POLR3F: variants seen among roughly 807,000 people sequenced by gnomAD.
The protein encoded by POLR3F is RNA polymerase III subunit F.
In POLR3F, 31 loss-of-function variants were observed where a neutral mutation model predicts 43.6. The ratio of observed to expected loss-of-function variants is 0.71; its 90% CI spans 0.53 to 0.96. POLR3F has a LOEUF of 0.96. Among genes scored for constraint, POLR3F ranks in the 40% least tolerant of loss-of-function variants. The pLI, the probability that POLR3F is intolerant of heterozygous loss-of-function variation, is 0.00. For synonymous variants in POLR3F, 114 were observed against 132.5 expected, an observed-to-expected ratio of 0.86 and a Z score of 0.96; for missense variants, 316 against 391.7, an observed-to-expected ratio of 0.81 and a Z score of 1.63.
intron 1 of POLR3F, 69 bp downstream of exon 1, chr20:18,467,637 T>A: frequency 1.9e-6 from 3 of 1,609,764 alleles, no homozygotes; most frequent in Non-Finnish European, 2.5e-6. Flanking sequence ...GGACCCCTTC[T>A]CCGGGATCCC....
At chr20:18,468,630 T>C (rs2059723270) in intron 1 of POLR3F, among the ~76,000 whole-genome samples, 1 of 152,220 alleles carries the variant, frequency 6.6e-6, no homozygotes. Context: ...TTTGTCATGC[T>C]TATTACACCC....
At chr20:18,468,614 C>G (rs2059722634) in intron 1 of POLR3F, among the ~76,000 whole-genome samples, 1 of 151,958 alleles carries the variant, frequency 6.6e-6, no homozygotes, top group Non-Finnish European at 1.5e-5. Flanking sequence ...AGATTTATGG[C>G]TTAACTTTGT....
In POLR3F at chr20:18,481,720, C is replaced by A. The variant is rs372990563; in HGVS notation, c.783C>A (p.Gly261=). 5.8e-5 allele frequency: 93 copies of A among 1,611,722 alleles called. No homozygotes were observed. The highest frequency in any genetic ancestry group is 7.6e-5 in the Non-Finnish European group (90 of 1,177,894). The change falls in exon 8 of 9, where the codon GGC becomes GGA. Residue 261 remains glycine, a synonymous_variant. Transcript: ENST00000377603. ...TTGCTGCAAAAGAAGGCACAGTTGG[C>A]AGTGTAGATGGACACATGAAACTGT... ...TIIAAKEGTV[G]SVDGHMKLYR... is the part of the protein sequence containing the mutation.
Position 18,476,548 on chromosome 20 carries a change from G to A in POLR3F, c.429+1361G>A, listed in dbSNP as rs149909500. 5.0e-3 allele frequency among the ~76,000 whole-genome samples: 759 copies of A among 152,214 alleles called. 15 individuals are homozygous for A. Among genetic ancestry groups the A allele is most frequent in the African/African-American group, 0.017 (710 of 41,534 alleles). On this transcript the variant is annotated intron_variant, in intron 5 of 8. Transcript: ENST00000377603. ...ATAATCTTAGATCTCAGTGTAAAGT[G>A]CAAAACTATAAAACTTTTTGAAGAA...
intron 7 of POLR3F, among the ~76,000 whole-genome samples, chr20:18,480,837 C>T (rs2059806134): frequency 1.3e-5 from 2 of 151,954 alleles, no homozygotes; most frequent in Admixed American, 6.6e-5. Flanking sequence ...GCCACTGTAC[C>T]CTAGCCTTTT....
chr20:18,480,237 A>G, intron 6 of POLR3F, 56 bp downstream of exon 6: 1 of 1,474,986 alleles, frequency 6.8e-7, no homozygotes, highest in South Asian at 1.2e-5. Context: ...AGTTTTTCAC[A>G]AAGGATTTTA....
chr20:18,473,466 T>C lies in POLR3F; in HGVS notation c.316+8T>C, dbSNP rs372687627. Reference sequence around the variant, plus strand: ...AGGATGCAGGAAATAAAGGTAAGCATGTGAAAGATGAAGCAGAAAAAAACA... The same window carrying C: ...AGGATGCAGGAAATAAAGGTAAGCACGTGAAAGATGAAGCAGAAAAAAACA... On this transcript the variant is annotated splice_region_variant and intron_variant, in intron 4 of 8. Transcript: ENST00000377603. 34 of 1,380,702 alleles carry C rather than the reference T, an allele frequency of 2.5e-5. No individual in the cohort carries two copies. In the African/African-American group the frequency reaches 4.5e-4, roughly 18 times the overall value. The allele number at this position is 1,380,702 out of a possible 1,614,324, so 85.5% of individuals were successfully genotyped here. A position where few individuals can be genotyped will look rare whatever the true frequency, so the allele number is the denominator to read the frequency against.
Position 18,484,277 on chromosome 20 carries a change from CTT to C in POLR3F, c.*721_*722del, listed in dbSNP as rs762103478. On this transcript the variant is annotated 3_prime_UTR_variant, in exon 9 of 9. Coordinates refer to ENST00000377603, the MANE Select transcript of POLR3F (RefSeq NM_006466.4). ...CTTTCTTAAAGTCTTATGTTTCACT[CTT>C]TAACTCAAATGTATTCTTTGTTAGA... 3.0e-5 allele frequency: 12 copies of C among 396,980 alleles called. No homozygotes were observed. The highest frequency in any genetic ancestry group is 5.3e-5 in the Non-Finnish European group (12 of 225,402). The allele number at this position is 396,980 out of a possible 1,614,324, so 24.6% of individuals were successfully genotyped here. A position where few individuals can be genotyped will look rare whatever the true frequency, so the allele number is the denominator to read the frequency against.
At position 18,483,457 on chromosome 20, in the gene POLR3F, A is replaced by G. The variant is rs2424213; in HGVS notation, c.874-24A>G. On this transcript the variant is annotated intron_variant, in intron 8 of 8. Coordinates refer to ENST00000377603, the MANE Select transcript of POLR3F (RefSeq NM_006466.4). ...GATATTTTAAAACTTTAATTTGAAT[A>G]TAATTTTTTTTTCTTTTTTAAAGGT... is the stretch of plus-strand genomic sequence containing the variant. 142,794 of 1,121,904 alleles carry G rather than the reference A, an allele frequency of 0.13. 9,941 individuals carry two copies. The highest frequency in any genetic ancestry group is 0.2 in the Admixed American group (8,618 of 44,102). 69.5% of individuals were successfully genotyped at this position (1,121,904 alleles called of 1,614,324 possible).
chr20:18,470,244 T>C (rs566866006), intron 2 of POLR3F, among the ~76,000 whole-genome samples: 6 of 152,366 alleles, frequency 3.9e-5, no homozygotes, highest in African/African-American at 1.4e-4. Context: ...TTAAGTCTAC[T>C]AGCCTTGTTG....
chr20:18,483,552 A>G lies in POLR3F; in HGVS notation c.945A>G (p.Glu315=), dbSNP rs770156812. The change falls in exon 9 of 9, where the codon GAA becomes GAG. Residue 315 remains glutamate, a synonymous_variant. Transcript: ENST00000377603. The stretch of plus-strand genomic sequence containing the variant: ...GTATTTACATGACAGAGTGGCTCGA[A>G]TTTTAATAGAGAGCTATGAACTTTA... ...SNCIYMTEWL[E]F 7.0e-7 allele frequency: 1 copy of G among 1,421,900 alleles called. No homozygotes were observed. The highest frequency in any genetic ancestry group is 1.3e-5 in the South Asian group (1 of 77,030). 88.1% of individuals were successfully genotyped at this position (1,421,900 alleles called of 1,614,324 possible).
Position 18,475,118 on chromosome 20 carries a change from A to G in POLR3F, c.360A>G (p.Leu120=). The G allele has an allele frequency of 1.3e-6, 2 of 1,546,056 alleles. No homozygotes were observed. The highest frequency in any genetic ancestry group is 1.8e-6 in the Non-Finnish European group (2 of 1,118,730). Residue 120 remains leucine (L), a synonymous_variant, in exon 5 of 9, where the codon TTA becomes TTG. Coordinates refer to ENST00000377603, the MANE Select transcript of POLR3F (RefSeq NM_006466.4). ...RDIRYKSNLP[L]TEINKILKNL... The stretch of plus-strand genomic sequence containing the variant: ...TCCGCTATAAAAGTAATTTGCCATT[A>G]ACAGAAATCAACAAAATTCTGAAGA...
Position 18,481,763 on chromosome 20 carries a change from A to G in POLR3F, c.826A>G (p.Ile276Val), listed in dbSNP as rs1270319529. 2 of 1,613,712 alleles carry G rather than the reference A, an allele frequency of 1.2e-6. No homozygotes were observed. Among genetic ancestry groups the G allele is most frequent in the East Asian group, 2.2e-5 (1 of 44,874 alleles). ...HMKLYRAVNPIIPPTGLVRAP... is the reference protein window; with the variant it reads ...HMKLYRAVNPVIPPTGLVRAP... ...GAAACTGTACAGGGCAGTCAATCCA[A>G]TCATCCCTCCCACAGGTTTGGTCCG... The change falls in exon 8 of 9, where the codon ATC becomes GTC. Residue 276 changes from isoleucine to valine, a missense_variant. Physicochemically the swap from Ile to Val is conservative, Grantham distance 29. This residue lies in a region of POLR3F where 85 missense variants were observed against 80.2 expected (regional missense o/e 1.06). Coordinates refer to ENST00000377603, the MANE Select transcript of POLR3F (RefSeq NM_006466.4).
At chr20:18,471,377 G>A (rs1458569017) in intron 2 of POLR3F, among the ~76,000 whole-genome samples, 1 of 152,142 alleles carries the variant, frequency 6.6e-6, no homozygotes, top group Non-Finnish European at 1.5e-5. Context: ...TTGGGCCGCA[G>A]CCTGTTCTCC....
intron 2 of POLR3F, among the ~76,000 whole-genome samples, chr20:18,471,701 G>C (rs1341906957): frequency 6.6e-6 from 1 of 152,178 alleles, no homozygotes; most frequent in Non-Finnish European, 1.5e-5. Flanking sequence ...CAAGGGAATG[G>C]GCTGGGCACA....
At chr20:18,479,729 T>A (rs1156986431) in intron 5 of POLR3F, among the ~76,000 whole-genome samples, 2 of 152,022 alleles carry the variant, frequency 1.3e-5, no homozygotes, top group Admixed American at 1.3e-4. Context: ...CTGAGAGAGA[T>A]GACTAAATGT....
intron 4 of POLR3F, among the ~76,000 whole-genome samples, chr20:18,474,874 A>G (rs2059771996): frequency 6.6e-6 from 1 of 152,160 alleles, no homozygotes; most frequent in Non-Finnish European, 1.5e-5. Flanking sequence ...AGAAATTTCT[A>G]GTTAGAAATT....
At chr20:18,476,507 C>G (rs1310284567) in intron 5 of POLR3F, among the ~76,000 whole-genome samples, 1 of 152,114 alleles carries the variant, frequency 6.6e-6, no homozygotes, top group Non-Finnish European at 1.5e-5. Context: ...ACTTCTGTGT[C>G]CTTTTAAGGG....
At position 18,472,335 on chromosome 20, in the gene POLR3F, C is replaced by T. The variant is rs144303495; in HGVS notation, c.181-507C>T. Among the ~76,000 whole-genome samples the T allele has an allele frequency of 5.9e-3, 901 of 152,158 alleles. 6 individuals carry two copies. Among genetic ancestry groups the T allele is most frequent in the African/African-American group, 0.021 (872 of 41,522 alleles). On this transcript the variant is annotated intron_variant, in intron 2 of 8. Transcript: ENST00000377603. ...TGTAGCCGGGACTACAGGCGCATGC[C>T]ACTGCACCTGGCTAATTTTTGTATT...
Sources: allele counts gnomAD v4.1 joint callset (sites outside exome capture counted in the v4.1 genomes callset), GRCh38; gene constraint gnomAD v4.1.1; regional missense constraint gnomAD v4.1.1; transcripts MANE v1.5; gene names NCBI Gene and HGNC (gene_info 2026-07-23, HGNC 2026-07-21).